Variants in SERPINA6 observed in about 807,000 individuals in gnomAD.
SERPINA6 encodes serpin family A member 6, also known as corticosteroid-binding globulin.
A neutral mutation model predicts 26.4 loss-of-function variants in SERPINA6; 19 were observed. That is an observed-to-expected ratio of 0.72 (90% confidence interval 0.50 to 1.06). The LOEUF (loss-of-function observed/expected upper bound fraction) is 1.06. SERPINA6 is among the 50% of genes least tolerant of loss of function. The pLI is 0.00. For synonymous variants in SERPINA6, 196 were observed against 199.4 expected, an observed-to-expected ratio of 0.98 and a Z score of 0.14; for missense variants, 473 against 504.0, an observed-to-expected ratio of 0.94 and a Z score of 0.59.
intron 1 of SERPINA6, among the ~76,000 whole-genome samples, chr14:94,319,792 G>A (rs916015683): frequency 1.3e-4 from 20 of 152,142 alleles, no homozygotes; most frequent in African/African-American, 3.6e-4. Context: ...ACCAGGGGCC[G>A]GGGCAACGGG....
intron 1 of SERPINA6, among the ~76,000 whole-genome samples, chr14:94,321,257 C>T (rs139075834): frequency 1.3e-5 from 2 of 152,242 alleles, no homozygotes; most frequent in East Asian, 3.9e-4. Flanking sequence ...TACCCATCTG[C>T]AGCTGCATCT....
chr14:94,314,241 G>A lies in SERPINA6; in HGVS notation c.408C>T (p.Ser136=). 1 of 1,614,202 alleles carries A rather than the reference G, an allele frequency of 6.2e-7. No homozygotes were observed. The highest frequency in any genetic ancestry group is 1.6e-4 in the Middle Eastern group (1 of 6,062). The part of the protein sequence containing the change: ...TMGNALFLDG[S]LELLESFSAD... The stretch of plus-strand genomic sequence containing the variant: ...CTGAGAATGACTCCAGCAACTCCAG[G>A]CTGCCATCAAGAAACAAGGCATTGC... Residue 136 remains serine, a synonymous_variant, in exon 2 of 5, where the codon AGC becomes AGT. Coordinates refer to ENST00000341584, the MANE Select transcript of SERPINA6 (RefSeq NM_001756.4).
intron 4 of SERPINA6, 49 bp from the exon 5 acceptor site, chr14:94,304,652 C>A: frequency 6.6e-7 from 1 of 1,524,148 alleles, no homozygotes; most frequent in Admixed American, 1.7e-5. Flanking sequence ...TGTGCGTTCT[C>A]GCTTTCCTGA....
rs1895501121 is a variant in SERPINA6 at position 94,309,863 on chromosome 14, C to T, written c.757G>A (p.Val253Met). Residue 253 changes from valine to methionine, a missense_variant, in exon 3 of 5, where the codon GTG (valine) becomes ATG (methionine). Transcript: ENST00000341584. Reference sequence around the variant, plus strand: ...CCATTGCCCACGTAGTTCATCTGCACCAGCTGGCAGGGGAGCTCCGAGTCA... The same window carrying T: ...CCATTGCCCACGTAGTTCATCTGCATCAGCTGGCAGGGGAGCTCCGAGTCA... Reference protein sequence around the residue: ...LHDSELPCQLVQMNYVGNGTV... With the variant: ...LHDSELPCQLMQMNYVGNGTV... 1.2e-6 allele frequency: 2 copies of T among 1,614,188 alleles called. No individual in the cohort carries two copies. The highest frequency in any genetic ancestry group is 4.5e-5 in the East Asian group (2 of 44,884).
chr14:94,304,317 C>G lies in SERPINA6; in HGVS notation c.*101G>C. 1.7e-6 allele frequency: 2 copies of G among 1,172,382 alleles called. No homozygotes were observed. Among genetic ancestry groups the G allele is most frequent in the Non-Finnish European group, 2.6e-6 (2 of 778,718 alleles). The allele number at this position is 1,172,382 out of a possible 1,614,324, so 72.6% of individuals were successfully genotyped here. A position where few individuals can be genotyped will look rare whatever the true frequency, so the allele number is the denominator to read the frequency against. ...ACAACTCTGGTTGGAGGGAGAAGAA[C>G]TTGGAGGAGATTGGGGGAAACCTCC... On this transcript the variant is annotated 3_prime_UTR_variant, in exon 5 of 5. Transcript: ENST00000341584.
intron 2 of SERPINA6, chr14:94,313,788 AG>A (rs1323352272): frequency 6.2e-6 from 4 of 642,086 alleles, no homozygotes; most frequent in African/African-American, 3.6e-5. Flanking sequence ...TCATGGTTAC[AG>A]GTGTGGGCCT....
chr14:94,306,772 A>T (rs1845410636), intron 3 of SERPINA6, among the ~76,000 whole-genome samples: 1 of 152,240 alleles, frequency 6.6e-6, no homozygotes, highest in South Asian at 2.1e-4. Flanking sequence ...TTCAGCTGGC[A>T]GTTTCTACCA....
rs76569718 is a variant in SERPINA6, at chr14:94,309,390, A to G, written c.884+346T>C. 5.7e-3 allele frequency among the ~76,000 whole-genome samples: 875 copies of G among 152,310 alleles called. 4 individuals are homozygous for G. The highest frequency in any genetic ancestry group is 0.02 in the African/African-American group (817 of 41,556). ...CAGGGCGTGGTTTCAGGTAAGCAAG[A>G]TAACAAAACAGATAAGTGTGTAGCT... On this transcript the variant is annotated intron_variant, in intron 3 of 4. Transcript: ENST00000341584.
chr14:94,321,043 A>T (rs1895678806), intron 1 of SERPINA6, among the ~76,000 whole-genome samples: 1 of 152,170 alleles, frequency 6.6e-6, no homozygotes, highest in African/African-American at 2.4e-5. Flanking sequence ...TGTATGAATT[A>T]GGTGATGTGG....
intron 1 of SERPINA6, among the ~76,000 whole-genome samples, chr14:94,320,680 T>C (rs1025424158): frequency 6.6e-5 from 10 of 152,216 alleles, no homozygotes; most frequent in Non-Finnish European, 4.4e-5. Flanking sequence ...TAGAGGCCCC[T>C]TCCCTGGTGT....
intron 3 of SERPINA6, among the ~76,000 whole-genome samples, chr14:94,307,855 T>C (rs2144832): frequency 0.48 from 72,517 of 152,160 alleles, 18,447 homozygotes; most frequent in East Asian, 0.93. Flanking sequence ...TCCATGTGCA[T>C]TCACAGAACT....
intron 1 of SERPINA6, 163 bp from the exon 2 acceptor site, chr14:94,314,830 CCTCA>C (rs1895590780): frequency 3.0e-6 from 2 of 670,494 alleles, no homozygotes; most frequent in Non-Finnish European, 5.3e-6. Flanking sequence ...ACTTCAGTTT[CCTCA>C]TCTGGAGATA....
At chr14:94,314,761 C>G in intron 1 of SERPINA6, 94 bp from the exon 2 acceptor site, 1 of 1,207,656 alleles carries the variant, frequency 8.3e-7, no homozygotes, top group Non-Finnish European at 1.2e-6. Context: ...CCCATTCAAG[C>G]CCCAGTTCCT....
intron 3 of SERPINA6, among the ~76,000 whole-genome samples, chr14:94,307,878 C>T (rs1234829528): frequency 6.6e-6 from 1 of 152,204 alleles, no homozygotes; most frequent in East Asian, 1.9e-4. Flanking sequence ...ATGAACTTCT[C>T]TAGAAGCACC....
chr14:94,310,347 C>T (rs1176141610), intron 2 of SERPINA6, among the ~76,000 whole-genome samples: 1 of 152,122 alleles, frequency 6.6e-6, no homozygotes, highest in Non-Finnish European at 1.5e-5. Flanking sequence ...GTTCTGAGGG[C>T]TCTGGAAGTG....
chr14:94,323,150 A>G (rs1895707407), intron 1 of SERPINA6, 117 bp downstream of exon 1: 1 of 152,244 alleles, frequency 6.6e-6, no homozygotes, highest in African/African-American at 2.4e-5. Context: ...CCTAATGTTC[A>G]ATGTGCCCTT....
At chr14:94,317,923 T>A (rs1895634178) in intron 1 of SERPINA6, among the ~76,000 whole-genome samples, 1 of 152,214 alleles carries the variant, frequency 6.6e-6, no homozygotes, top group South Asian at 2.1e-4. Context: ...TGTTCACAGA[T>A]GACATGATCT....
chr14:94,314,784 G>A (rs998978950), intron 1 of SERPINA6, 117 bp from the exon 2 acceptor site: 18 of 939,544 alleles, frequency 1.9e-5, no homozygotes, highest in Non-Finnish European at 2.5e-5. Flanking sequence ...CTCCACACTG[G>A]CTGTGTGACC....
intron 3 of SERPINA6, among the ~76,000 whole-genome samples, chr14:94,306,750 G>A (rs539943648): frequency 4.9e-4 from 75 of 152,330 alleles, no homozygotes; most frequent in African/African-American, 1.7e-3. Flanking sequence ...CTGTGATTCT[G>A]CAAGAATCTG....
Sources: gnomAD v4.1 joint callset for allele counts (sites outside exome capture counted in the v4.1 genomes callset) on GRCh38, gnomAD v4.1.1 for gene constraint, MANE v1.5 for transcripts, NCBI Gene and HGNC (gene_info 2026-07-23, HGNC 2026-07-21) for gene names.